The following DNAH9 variants were observed in gnomAD, a reference collection of about 807,000 sequenced individuals.
DNAH9 encodes the protein dynein axonemal heavy chain 9.
Under a neutral mutation model 471.6 loss-of-function variants are expected in DNAH9, and 345 were observed. That is an observed-to-expected ratio of 0.73 (90% CI 0.67 to 0.80). The LOEUF is 0.80. Among genes scored for constraint, DNAH9 ranks in the 30% least tolerant of loss-of-function variants. The pLI is 0.00. For missense variants in DNAH9, 5,407 were observed against 5,609.2 expected (o/e 0.96, Z 1.15); for synonymous variants, 2,093 against 2,123.6 (o/e 0.99, Z 0.40).
At chr17:11,660,849 T>C (rs1363430208) in intron 14 of DNAH9, among the ~76,000 whole-genome samples, 1 of 152,144 alleles carries the variant, frequency 6.6e-6, no homozygotes, top group Non-Finnish European at 1.5e-5. Context: ...TTGATAATAA[T>C]GTTTATTCTT....
intron 14 of DNAH9, among the ~76,000 whole-genome samples, chr17:11,661,274 G>T (rs2073756457): frequency 6.6e-6 from 1 of 151,004 alleles, no homozygotes; most frequent in African/African-American, 2.4e-5. Flanking sequence ...TTTGTATTTT[G>T]CATCTTTTCC....
At chr17:11,817,916 C>A (rs917254572) in intron 45 of DNAH9, among the ~76,000 whole-genome samples, 4 of 152,138 alleles carry the variant, frequency 2.6e-5, no homozygotes, top group Non-Finnish European at 5.9e-5. Flanking sequence ...ATGATAAAAG[C>A]TAATTAGTAT....
chr17:11,766,159 C>G (rs1301557945), intron 36 of DNAH9, among the ~76,000 whole-genome samples: 1 of 151,914 alleles, frequency 6.6e-6, no homozygotes, highest in Non-Finnish European at 1.5e-5. Flanking sequence ...AGCTAAACAC[C>G]AAAAATAGTG....
intron 57 of DNAH9, 94 bp from the exon 58 acceptor site, chr17:11,891,683 G>A (rs1973053437): frequency 6.9e-7 from 1 of 1,446,882 alleles, no homozygotes. Flanking sequence ...AAATTTCTAT[G>A]GGCTGGAAAA....
chr17:11,638,864 T>C (rs1481472449), intron 9 of DNAH9, among the ~76,000 whole-genome samples: 2 of 152,310 alleles, frequency 1.3e-5, no homozygotes, highest in South Asian at 2.1e-4. Context: ...CTCATGACTA[T>C]AGGAGTGAGG....
intron 53 of DNAH9, among the ~76,000 whole-genome samples, chr17:11,876,361 G>A (rs188734766): frequency 6.6e-6 from 1 of 152,040 alleles, no homozygotes; most frequent in South Asian, 2.1e-4. Flanking sequence ...TAGCATCCCT[G>A]TATCAAAATA....
chr17:11,869,776 G>T (rs1398425480), intron 51 of DNAH9, among the ~76,000 whole-genome samples: 14 of 152,136 alleles, frequency 9.2e-5, no homozygotes, highest in African/African-American at 3.4e-4. Context: ...TTGTGTTATG[G>T]GTGTTTGTTT....
At chr17:11,615,633 C>T (rs1400306973) in intron 4 of DNAH9, among the ~76,000 whole-genome samples, 1 of 152,122 alleles carries the variant, frequency 6.6e-6, no homozygotes, top group Non-Finnish European at 1.5e-5. Context: ...CTCTCTCTCT[C>T]TCTTCATATG....
chr17:11,736,710 C>T (rs894092150), intron 28 of DNAH9, among the ~76,000 whole-genome samples: 1 of 152,200 alleles, frequency 6.6e-6, no homozygotes, highest in African/African-American at 2.4e-5. Context: ...CCTCAAGAGC[C>T]CCTCTACAGA....
chr17:11,805,404 T>C (rs1393887196), intron 43 of DNAH9, among the ~76,000 whole-genome samples: 1 of 152,058 alleles, frequency 6.6e-6, no homozygotes, highest in African/African-American at 2.4e-5. Flanking sequence ...CCTACTTAAT[T>C]TGAATATGGC....
At chr17:11,942,085 G>C (rs371602746) in intron 66 of DNAH9, among the ~76,000 whole-genome samples, 25 of 152,152 alleles carry the variant, frequency 1.6e-4, no homozygotes, top group African/African-American at 6.0e-4. Flanking sequence ...CAAGTCCCAG[G>C]AACTTGGCCA....
intron 61 of DNAH9, among the ~76,000 whole-genome samples, chr17:11,922,161 G>A (rs765746278): frequency 3.9e-5 from 6 of 152,078 alleles, no homozygotes; most frequent in Non-Finnish European, 4.4e-5. Flanking sequence ...ATCATCTTGC[G>A]TTGTCCTGTA....
chr17:11,752,511 A>G (rs79391543), intron 32 of DNAH9, among the ~76,000 whole-genome samples: 1 of 152,066 alleles, frequency 6.6e-6, no homozygotes, highest in Admixed American at 6.6e-5. Flanking sequence ...CTAAAAATAC[A>G]AAAAAATTAG....
intron 59 of DNAH9, among the ~76,000 whole-genome samples, chr17:11,899,045 C>T (rs1301066716): frequency 2.0e-5 from 3 of 152,154 alleles, no homozygotes; most frequent in African/African-American, 4.8e-5. Context: ...AAGCACAGCA[C>T]AGGATATGAG....
chr17:11,784,426 C>G lies in DNAH9; in HGVS notation c.7948C>G (p.Pro2650Ala), dbSNP rs772959131. 3.0e-5 allele frequency: 48 copies of G among 1,614,088 alleles called. No homozygotes were observed. In the South Asian group the frequency reaches 3.6e-4, roughly 12 times the overall value. Residue 2650 changes from proline (P) to alanine (A), a missense_variant, in exon 41 of 69, where the codon CCA becomes GCA. Pro to Ala is a conservative substitution (Grantham distance 27). Transcript: ENST00000262442. ...FPASLQKSIPPLIDLALAFHQ... is the reference protein window; with the variant it reads ...FPASLQKSIPALIDLALAFHQ... Reference sequence around the variant, plus strand: ...GGCGTCCCTGCAGAAATCCATCCCCCCACTGATCGATCTGGCCCTCGCCTT... The same window carrying G: ...GGCGTCCCTGCAGAAATCCATCCCCGCACTGATCGATCTGGCCCTCGCCTT...
In DNAH9 at chr17:11,834,862, C is replaced by CA. The variant is rs753459543; in HGVS notation, c.9472dup (p.Thr3158AsnfsTer44). 7 of 1,613,560 alleles carry CA rather than the reference C, an allele frequency of 4.3e-6. No homozygotes were observed. The African/African-American group carries it at 9.3e-5, about 22-fold the overall frequency. On this transcript the variant is annotated frameshift_variant, in exon 49 of 69. Transcript: ENST00000262442. LOFTEE classifies it high-confidence loss of function. ...ACCTGGCAAAGGCTGAGCCAGCACTCACAGCAGCGCAGGCAGCTCTCAACA... is the reference window on the plus strand; with the variant it reads ...ACCTGGCAAAGGCTGAGCCAGCACTCAACAGCAGCGCAGGCAGCTCTCAACA...
At chr17:11,927,470 A>G (rs1490217045) in intron 62 of DNAH9, among the ~76,000 whole-genome samples, 2 of 152,204 alleles carry the variant, frequency 1.3e-5, no homozygotes, top group African/African-American at 4.8e-5. Flanking sequence ...ATTTGTTTGC[A>G]TATGGCTAGC....
chr17:11,903,353 T>TAA (rs796649993), intron 60 of DNAH9, among the ~76,000 whole-genome samples: 1 of 130,334 alleles, frequency 7.7e-6, no homozygotes, highest in African/African-American at 2.9e-5. Flanking sequence ...AAGTAAAAAA[T>TAA]AAAAAAAAAA....
At position 11,727,904 on chromosome 17, in the gene DNAH9, G is replaced by A. The variant is rs775658714; in HGVS notation, c.5796G>A (p.Leu1932=). ...DEFNRISVEV[L]SVVAVQVKSI... ...TTAATCGAATCTCCGTGGAGGTCTT[G>A]TCAGTGGTGGCAGTGCAGGTAAGGG... Residue 1932 remains leucine, a synonymous_variant, in exon 28 of 69, where the codon TTG becomes TTA. Coordinates refer to ENST00000262442, the MANE Select transcript of DNAH9 (RefSeq NM_001372.4). 1 of 1,613,786 alleles carries A rather than the reference G, an allele frequency of 6.2e-7. No individual in the cohort carries two copies. The highest frequency in any genetic ancestry group is 8.5e-7 in the Non-Finnish European group (1 of 1,179,674).
Sources: gnomAD v4.1 joint callset for allele counts (sites outside exome capture counted in the v4.1 genomes callset) on GRCh38, gnomAD v4.1.1 for gene constraint, MANE v1.5 for transcripts, NCBI Gene and HGNC (gene_info 2026-07-23, HGNC 2026-07-21) for gene names.